The following DNAH7 variants were observed in gnomAD, a reference collection of about 807,000 sequenced individuals.
DNAH7 encodes the protein axonemal beta dynein heavy chain 7.
Under a neutral mutation model 444.6 loss-of-function variants are expected in DNAH7, and 397 were observed. The ratio of observed to expected loss-of-function variants is 0.89; its 90% CI spans 0.82 to 0.97. The LOEUF is 0.97. Among genes scored for constraint, DNAH7 ranks in the 50% least tolerant of loss-of-function variants. DNAH7 has a pLI of 0.00. For missense variants in DNAH7, 4,902 were observed against 4,800.8 expected, an observed-to-expected ratio of 1.02 and a Z score of -0.62; for synonymous variants, 1,636 against 1,624.4, an observed-to-expected ratio of 1.01 and a Z score of -0.17.
intron 10 of DNAH7, among the ~76,000 whole-genome samples, chr2:196,010,876 C>T (rs186327010): frequency 4.1e-4 from 63 of 152,158 alleles, no homozygotes; most frequent in Non-Finnish European, 7.6e-4. Context: ...TGGAGGACAT[C>T]GTGTTAACTG....
chr2:195,895,234 G>A lies in DNAH7; in HGVS notation c.4648-10C>T. On this transcript the variant is annotated splice_polypyrimidine_tract_variant and intron_variant, in intron 29 of 64. Coordinates refer to ENST00000312428, the MANE Select transcript of DNAH7 (RefSeq NM_018897.3). ...AATCCGAAGTAATTCCCTGATGATA[G>A]ATGATTTGAAGGATTTACATTTTAT... The A allele has an allele frequency of 6.3e-7, 1 of 1,581,992 alleles. No homozygotes were observed. The highest frequency in any genetic ancestry group is 1.2e-5 in the South Asian group (1 of 86,578).
intron 28 of DNAH7, among the ~76,000 whole-genome samples, chr2:195,898,010 T>A (rs575458473): frequency 1.3e-5 from 2 of 152,166 alleles, no homozygotes; most frequent in Non-Finnish European, 2.9e-5. Context: ...ATATGCTAAG[T>A]AAAGAGGTAT....
At chr2:195,912,118 A>G (rs1484886692) in intron 24 of DNAH7, among the ~76,000 whole-genome samples, 1 of 152,190 alleles carries the variant, frequency 6.6e-6, no homozygotes, top group East Asian at 1.9e-4. Flanking sequence ...AGAAGACCGT[A>G]AGTGAGTGAT....
At chr2:195,752,038 A>G (rs552653536) in intron 63 of DNAH7, among the ~76,000 whole-genome samples, 1 of 152,142 alleles carries the variant, frequency 6.6e-6, no homozygotes, top group African/African-American at 2.4e-5. Context: ...TGGGAGCCCA[A>G]GGTGAGTGGA....
intron 10 of DNAH7, among the ~76,000 whole-genome samples, chr2:196,011,460 A>G (rs1694723499): frequency 6.6e-6 from 1 of 152,140 alleles, no homozygotes. Flanking sequence ...AGCCAGAAAA[A>G]GATAAATGGA....
Position 195,816,756 on chromosome 2 carries a change from G to A in DNAH7, c.9633C>T (p.Ser3211=). 1 of 1,614,168 alleles carries A rather than the reference G, an allele frequency of 6.2e-7. No homozygotes were observed. Among genetic ancestry groups the A allele is most frequent in the Non-Finnish European group, 8.5e-7 (1 of 1,180,012 alleles). The change falls in exon 51 of 65, where the codon TCC becomes TCT. Residue 3211 remains serine (S), a synonymous_variant. Coordinates refer to ENST00000312428, the MANE Select transcript of DNAH7 (RefSeq NM_018897.3). ...AATCAGCAAGAGAAAAAAATAGGAT[G>A]GAAGAATGGATGGCAATAGGACGAT... is the stretch of plus-strand genomic sequence containing the variant. ...MGYRPIAIHS[S]ILFFSLADLA... is the part of the protein sequence containing the mutation.
chr2:195,779,225 A>G (rs1327340663), intron 58 of DNAH7, among the ~76,000 whole-genome samples: 1 of 152,226 alleles, frequency 6.6e-6, no homozygotes, highest in African/African-American at 2.4e-5. Context: ...TACTATTTTA[A>G]TAACTGTTTT....
intron 32 of DNAH7, among the ~76,000 whole-genome samples, 170 bp downstream of exon 32, chr2:195,888,629 C>T (rs561986327): frequency 1.3e-5 from 2 of 149,446 alleles, no homozygotes; most frequent in Admixed American, 1.3e-4. Context: ...ATCCTGACCA[C>T]TAAATTAGTC....
chr2:195,843,675 C>T (rs984931160), intron 47 of DNAH7, among the ~76,000 whole-genome samples: 1 of 152,164 alleles, frequency 6.6e-6, no homozygotes, highest in Non-Finnish European at 1.5e-5. Flanking sequence ...TATAATCATA[C>T]TGCACATACC....
In DNAH7 at chr2:196,006,399, C is replaced by T. The variant is rs185217256; in HGVS notation, c.990-4541G>A. On this transcript the variant is annotated intron_variant, in intron 10 of 64. Transcript: ENST00000312428. Reference sequence around the variant, plus strand: ...CAATACATGAAAAATCAATGTAATACGCCATATTAATAGAATAAAAGGGAA... The same window carrying T: ...CAATACATGAAAAATCAATGTAATATGCCATATTAATAGAATAAAAGGGAA... Among the ~76,000 whole-genome samples, 32 of 152,014 alleles carry T rather than the reference C, an allele frequency of 2.1e-4. No individual in the cohort carries two copies. The East Asian group carries it at 3.3e-3, about 16-fold the overall frequency.
At chr2:195,778,729 T>C (rs6732074) in intron 58 of DNAH7, among the ~76,000 whole-genome samples, 268 of 36,014 alleles carry the variant, frequency 7.4e-3, no homozygotes, top group East Asian at 0.034. Context: ...CATATATATA[T>C]ACACATATAT....
intron 5 of DNAH7, among the ~76,000 whole-genome samples, chr2:196,045,228 G>A (rs566848426): frequency 6.8e-6 from 1 of 147,848 alleles, no homozygotes; most frequent in South Asian, 2.2e-4. Context: ...AGAAGGAGAA[G>A]AAGAAAGAGA....
Position 195,816,925 on chromosome 2 carries a change from AG to A in DNAH7, c.9463del (p.Leu3155PhefsTer9). ...TAATATATTGCCTTCCGAAGATGAA[AG>A]AACTTCTAAAATCTTGTCTTCTATT... ...KEIEDKILEV[L>X]SSSEGNILED... is the part of the protein sequence containing the mutation. On this transcript the variant is annotated frameshift_variant, in exon 51 of 65. Coordinates refer to ENST00000312428, the MANE Select transcript of DNAH7 (RefSeq NM_018897.3). LOFTEE classifies it high-confidence loss of function. The A allele has an allele frequency of 6.2e-7, 1 of 1,607,338 alleles. No homozygotes were observed. The highest frequency in any genetic ancestry group is 8.5e-7 in the Non-Finnish European group (1 of 1,177,070).
chr2:195,862,749 T>C (rs1023579267), intron 41 of DNAH7, among the ~76,000 whole-genome samples: 4 of 152,140 alleles, frequency 2.6e-5, no homozygotes, highest in African/African-American at 9.7e-5. Flanking sequence ...AAACCCTTAA[T>C]TGGTCCCTTA....
chr2:195,934,082 A>G (rs1230060167), intron 21 of DNAH7, among the ~76,000 whole-genome samples: 1 of 152,134 alleles, frequency 6.6e-6, no homozygotes, highest in Non-Finnish European at 1.5e-5. Context: ...TACCAACAAA[A>G]GTAATCACAA....
chr2:195,837,239 T>G (rs1698419394), intron 47 of DNAH7, among the ~76,000 whole-genome samples: 1 of 152,176 alleles, frequency 6.6e-6, no homozygotes, highest in Admixed American at 6.5e-5. Flanking sequence ...AATTAAATAA[T>G]TCTAAAGCTT....
At position 195,862,031 on chromosome 2, in the gene DNAH7, T is replaced by C. The variant is rs1196294577; in HGVS notation, c.7507-85A>G. On this transcript the variant is annotated intron_variant, in intron 41 of 64. Coordinates refer to ENST00000312428, the MANE Select transcript of DNAH7 (RefSeq NM_018897.3). ...ACTGCAGCCCTTTACAACTTATGGA[T>C]GTTGGGGGTGAAGGGGAATAGTGTG... is the stretch of plus-strand genomic sequence containing the variant. 5.9e-6 allele frequency: 6 copies of C among 1,022,374 alleles called. No homozygotes were observed. The Admixed American group carries it at 6.3e-5, about 11-fold the overall frequency. The allele number at this position is 1,022,374 out of a possible 1,614,324, so 63.3% of individuals were successfully genotyped here. A position where few individuals can be genotyped will look rare whatever the true frequency, so the allele number is the denominator to read the frequency against.
At chr2:195,755,895 T>C (rs1694045676) in intron 62 of DNAH7, among the ~76,000 whole-genome samples, 1 of 152,230 alleles carries the variant, frequency 6.6e-6, no homozygotes, top group Non-Finnish European at 1.5e-5. Flanking sequence ...TCTATTTTAA[T>C]GTTAAATACC....
intron 19 of DNAH7, among the ~76,000 whole-genome samples, chr2:195,953,303 G>A (rs950720956): frequency 5.3e-5 from 8 of 152,096 alleles, no homozygotes. Flanking sequence ...TCCTTCCTCT[G>A]GAAGCTTCGT....
Sources: gnomAD v4.1 joint callset for allele counts (sites outside exome capture counted in the v4.1 genomes callset) on GRCh38, gnomAD v4.1.1 for gene constraint, MANE v1.5 for transcripts, NCBI Gene and HGNC (gene_info 2026-07-23, HGNC 2026-07-21) for gene names.